STAG1: variants seen among roughly 807,000 people sequenced by gnomAD.
The protein encoded by STAG1 is cohesin subunit SA-1.
Under a neutral mutation model 170.9 loss-of-function variants are expected in STAG1, and 26 were observed. The ratio of observed to expected loss-of-function variants is 0.15; its 90% confidence interval spans 0.11 to 0.21. The LOEUF (loss-of-function observed/expected upper bound fraction) is 0.21. Ranked by LOEUF, STAG1 falls within the 10% of genes least tolerant of loss-of-function variation. STAG1 has a pLI of 1.00. For missense variants in STAG1, 964 were observed against 1,509.5 expected (o/e 0.64, Z 5.99); for synonymous variants, 514 against 497.7 (o/e 1.03, Z -0.44).
intron 16 of STAG1, among the ~76,000 whole-genome samples, chr3:136,430,808 C>CAT (rs1305775613): frequency 2.1e-5 from 1 of 48,300 alleles, no homozygotes; most frequent in African/African-American, 7.6e-5. Flanking sequence ...CATAGACAGA[C>CAT]ACACACACAC....
At chr3:136,572,914 C>T (rs1045709581) in intron 4 of STAG1, among the ~76,000 whole-genome samples, 1 of 152,138 alleles carries the variant, frequency 6.6e-6, no homozygotes, top group Non-Finnish European at 1.5e-5. Context: ...CAATGGCTCA[C>T]ACTTGTAATC....
chr3:136,674,188 A>AGGGAAGGAGGGAGGGG (rs1942066408), intron 1 of STAG1, among the ~76,000 whole-genome samples: 1 of 95,474 alleles, frequency 1.0e-5, no homozygotes, highest in Non-Finnish European at 2.0e-5. Flanking sequence ...GGAGGGAGGG[A>AGGGAAGGAGGGAGGGG]GGGAAGGAGG....
intron 21 of STAG1, among the ~76,000 whole-genome samples, chr3:136,400,838 A>AGCC: frequency 6.6e-6 from 1 of 152,132 alleles, no homozygotes; most frequent in Non-Finnish European, 1.5e-5. Flanking sequence ...CTGGCCTCAA[A>AGCC]ATAAATTTTC....
chr3:136,457,211 TA>T (rs1284614825), intron 13 of STAG1, among the ~76,000 whole-genome samples: 1 of 152,042 alleles, frequency 6.6e-6, no homozygotes, highest in Non-Finnish European at 1.5e-5. Flanking sequence ...AGCCCAGGCA[TA>T]AAACCCCTCG....
At chr3:136,750,270 TAC>T (rs995389880) in intron 1 of STAG1, among the ~76,000 whole-genome samples, 1 of 152,184 alleles carries the variant, frequency 6.6e-6, no homozygotes, top group African/African-American at 2.4e-5. Context: ...CCTGCCTCAC[TAC>T]AGAGTAGCTG....
chr3:136,533,264 CGAATGGAAAGACA>C (rs1559864456), intron 6 of STAG1, among the ~76,000 whole-genome samples: 3 of 151,986 alleles, frequency 2.0e-5, no homozygotes, highest in African/African-American at 7.2e-5. Context: ...AGGACACAAA[CGAATGGAAAGACA>C]ACTCATGCTC....
chr3:136,557,478 C>T (rs997091744), intron 5 of STAG1, among the ~76,000 whole-genome samples: 1 of 152,124 alleles, frequency 6.6e-6, no homozygotes, highest in Admixed American at 6.5e-5. Context: ...AACTAGAAAG[C>T]TTTTATAAGA....
chr3:136,503,064 T>C (rs992166373), intron 7 of STAG1, among the ~76,000 whole-genome samples: 3 of 152,130 alleles, frequency 2.0e-5, no homozygotes, highest in Non-Finnish European at 4.4e-5. Flanking sequence ...ACAACTCCTT[T>C]CTCCTACTCC....
intron 1 of STAG1, among the ~76,000 whole-genome samples, chr3:136,643,674 A>C (rs927327562): frequency 1.3e-5 from 2 of 151,948 alleles, no homozygotes; most frequent in African/African-American, 4.8e-5. Flanking sequence ...ACACCTGGCT[A>C]ATTTTTGTGT....
intron 4 of STAG1, among the ~76,000 whole-genome samples, chr3:136,570,304 A>G (rs964729692): frequency 6.6e-6 from 1 of 152,162 alleles, no homozygotes; most frequent in African/African-American, 2.4e-5. Flanking sequence ...AAATGATATC[A>G]TCTTTTTTTA....
chr3:136,733,634 C>G (rs1934166307), intron 1 of STAG1, among the ~76,000 whole-genome samples: 1 of 152,198 alleles, frequency 6.6e-6, no homozygotes, highest in Non-Finnish European at 1.5e-5. Flanking sequence ...CAATAGATTT[C>G]TTAGCCATCT....
At chr3:136,475,375 G>C (rs1388802239) in intron 10 of STAG1, among the ~76,000 whole-genome samples, 1 of 151,990 alleles carries the variant, frequency 6.6e-6, no homozygotes, top group African/African-American at 2.4e-5. Flanking sequence ...TCGAACTCCT[G>C]ACCTCAGGTG....
chr3:136,679,412 T>C (rs1942255367), intron 1 of STAG1, among the ~76,000 whole-genome samples: 1 of 150,424 alleles, frequency 6.6e-6, no homozygotes, highest in Admixed American at 6.6e-5. Flanking sequence ...AAACCACATC[T>C]CTACAAAAAA....
chr3:136,747,271 C>CAA (rs767416797), intron 1 of STAG1, among the ~76,000 whole-genome samples: 3 of 98,386 alleles, frequency 3.0e-5, no homozygotes, highest in East Asian at 3.4e-4. Context: ...AGACTCGTCC[C>CAA]AAAAAAAAAA....
At chr3:136,673,931 C>T (rs535022677) in intron 1 of STAG1, among the ~76,000 whole-genome samples, 1 of 151,452 alleles carries the variant, frequency 6.6e-6, no homozygotes, top group Non-Finnish European at 1.5e-5. Flanking sequence ...GGCAAAACCC[C>T]GTCTCTACTA....
At chr3:136,729,858 C>T (rs909678571) in intron 1 of STAG1, among the ~76,000 whole-genome samples, 3 of 139,658 alleles carry the variant, frequency 2.1e-5, no homozygotes, top group Non-Finnish European at 3.0e-5. Context: ...AGATTACAGG[C>T]ATGAGCCACC....
intron 9 of STAG1, 84 bp downstream of exon 9, chr3:136,500,139 A>C: frequency 1.2e-6 from 1 of 838,184 alleles, no homozygotes. Context: ...ATAATTAGTG[A>C]GTTTTACAGT....
chr3:136,359,277 T>C lies in STAG1; in HGVS notation c.2807A>G (p.Gln936Arg). ...CCTATCTAGGTTGGGACCTTGCTCTTGAACAAGTTCATTAAATAACTGATA... is the reference window on the plus strand; with the variant it reads ...CCTATCTAGGTTGGGACCTTGCTCTCGAACAAGTTCATTAAATAACTGATA... Reference protein sequence around the residue: ...SLQQLFNELVQEQGPNLDRTS... With the variant: ...SLQQLFNELVREQGPNLDRTS... The change falls in exon 27 of 34, where the codon CAA becomes CGA. Residue 936 changes from glutamine (Q) to arginine (R), a missense_variant. Gln to Arg is a conservative substitution (Grantham distance 43). Transcript: ENST00000383202. 2.5e-6 allele frequency: 4 copies of C among 1,587,344 alleles called. No individual in the cohort carries two copies. Among genetic ancestry groups the C allele is most frequent in the African/African-American group, 1.4e-5 (1 of 73,954 alleles).
Position 136,657,824 on chromosome 3 carries a change from AAAAC to A in STAG1, c.-83-26847_-83-26844del, listed in dbSNP as rs1222963178. ...GCAACATAGCAAGTTGCTGTCTCAAAAAACAAACAAACAAAAAAGGCTGAAAAGG... is the reference window on the plus strand; with the variant it reads ...GCAACATAGCAAGTTGCTGTCTCAAAAAACAAACAAAAAAGGCTGAAAAGG... On this transcript the variant is annotated intron_variant, in intron 1 of 33. Transcript: ENST00000383202. Among the ~76,000 whole-genome samples the A allele has an allele frequency of 4.6e-5, 7 of 152,292 alleles. No individual in the cohort carries two copies. In the South Asian group the frequency reaches 6.2e-4, roughly 14 times the overall value.
Sources: gnomAD v4.1 joint callset for allele counts (sites outside exome capture counted in the v4.1 genomes callset) on GRCh38, gnomAD v4.1.1 for gene constraint, MANE v1.5 for transcripts, NCBI Gene and HGNC (gene_info 2026-07-23, HGNC 2026-07-21) for gene names.